Variants in VPS53 observed in about 807,000 individuals in gnomAD.
VPS53 encodes VPS53 subunit of GARP complex.
In VPS53, 70 loss-of-function variants were observed where a neutral mutation model predicts 107.0. The ratio of observed to expected loss-of-function variants is 0.65; its 90% CI spans 0.54 to 0.80. The LOEUF (loss-of-function observed/expected upper bound fraction) is 0.80, where lower values mean the gene tolerates loss of function less well. Ranked by LOEUF, VPS53 falls within the 30% of genes least tolerant of loss-of-function variation. VPS53 has a pLI of 0.00. For missense variants in VPS53, 917 were observed against 1,049.4 expected (o/e 0.87, Z 1.74); for synonymous variants, 409 against 393.3 (o/e 1.04, Z -0.47).
At chr17:582,903 G>T (rs764990232) in intron 13 of VPS53, among the ~76,000 whole-genome samples, 8 of 148,286 alleles carry the variant, frequency 5.4e-5, no homozygotes, top group Admixed American at 4.0e-4. Context: ...GACCTAATGC[G>T]TTCCCAGAGA....
chr17:633,498 T>C (rs903080252), intron 7 of VPS53, among the ~76,000 whole-genome samples: 10 of 152,230 alleles, frequency 6.6e-5, no homozygotes, highest in African/African-American at 2.4e-4. Context: ...CTAAGGAGTG[T>C]CTGGCAACCT....
intron 11 of VPS53, among the ~76,000 whole-genome samples, chr17:620,230 C>G (rs961401819): frequency 2.0e-5 from 3 of 152,194 alleles, no homozygotes; most frequent in African/African-American, 7.2e-5. Context: ...CAAAATTGGG[C>G]TGCTGCCACC....
intron 7 of VPS53, among the ~76,000 whole-genome samples, chr17:639,090 G>A (rs535973589): frequency 7.1e-4 from 108 of 152,138 alleles, no homozygotes; most frequent in African/African-American, 2.4e-3. Context: ...ACATAGTCCC[G>A]TATTTCTTGG....
chr17:603,137 C>T (rs980778654), intron 11 of VPS53, among the ~76,000 whole-genome samples: 1 of 152,154 alleles, frequency 6.6e-6, no homozygotes, highest in Non-Finnish European at 1.5e-5. Context: ...CCAAAACTTA[C>T]ACAAAGGCCG....
chr17:696,864 C>T (rs760173294), intron 4 of VPS53, among the ~76,000 whole-genome samples: 1 of 150,978 alleles, frequency 6.6e-6, no homozygotes, highest in Non-Finnish European at 1.5e-5. Context: ...GCAATCTCGC[C>T]TCACTGCAAC....
intron 9 of VPS53, 94 bp downstream of exon 9, chr17:627,994 C>T: frequency 8.0e-7 from 1 of 1,245,828 alleles, no homozygotes; most frequent in Non-Finnish European, 1.1e-6. Context: ...GTCAGACAGT[C>T]ATGTAATACG....
chr17:583,416 A>G (rs897836260), intron 13 of VPS53, among the ~76,000 whole-genome samples: 4 of 148,206 alleles, frequency 2.7e-5, no homozygotes, highest in Non-Finnish European at 4.5e-5. Flanking sequence ...CCCAGGACCT[A>G]ATGCATTCCC....
At chr17:561,402 C>A (rs1181471267) in intron 14 of VPS53, among the ~76,000 whole-genome samples, 1 of 152,162 alleles carries the variant, frequency 6.6e-6, no homozygotes, top group African/African-American at 2.4e-5. Flanking sequence ...GCTGAGTATG[C>A]CATTTTTTTC....
chr17:704,123 T>C (rs182948359), intron 2 of VPS53, among the ~76,000 whole-genome samples: 1 of 152,354 alleles, frequency 6.6e-6, no homozygotes, highest in East Asian at 1.9e-4. Flanking sequence ...AAATTTCATT[T>C]AGTTTCCTCT....
At chr17:557,961 G>C (rs1016809275) in intron 15 of VPS53, among the ~76,000 whole-genome samples, 4 of 150,974 alleles carry the variant, frequency 2.6e-5, no homozygotes, top group African/African-American at 7.3e-5. Context: ...CCAGGCTCAA[G>C]CGATCCTCCA....
rs1913300508 is a variant in VPS53 at position 564,434 on chromosome 17, A to G, written c.1314-1689T>C. On this transcript the variant is annotated intron_variant, in intron 13 of 21. Coordinates refer to ENST00000437048, the MANE Select transcript of VPS53 (RefSeq NM_001128159.3). ...GGGTGCCCGTAGTCCCAGCTACTTC[A>G]GAGGCTGAGGCAGGAGAATGGCATG... Among the ~76,000 whole-genome samples, 2 of 151,798 alleles carry G rather than the reference A, an allele frequency of 1.3e-5. 1 individual carries two copies. Among genetic ancestry groups the G allele is most frequent in the South Asian group, 4.2e-4 (2 of 4,806 alleles).
intron 7 of VPS53, among the ~76,000 whole-genome samples, chr17:633,231 C>T (rs899015154): frequency 1.3e-5 from 2 of 152,186 alleles, no homozygotes; most frequent in Non-Finnish European, 2.9e-5. Flanking sequence ...GCCCCACAAT[C>T]GATCGCATGC....
chr17:572,933 T>G (rs1011541909), intron 13 of VPS53, among the ~76,000 whole-genome samples: 1 of 151,712 alleles, frequency 6.6e-6, no homozygotes, highest in African/African-American at 2.4e-5. Context: ...CCAGAGACCT[T>G]TGTTCACTTG....
At chr17:527,404 G>A (rs752069922) in intron 19 of VPS53, among the ~76,000 whole-genome samples, 1 of 152,000 alleles carries the variant, frequency 6.6e-6, no homozygotes, top group East Asian at 1.9e-4. Context: ...GTGAACATTC[G>A]TGCGCATGCC....
chr17:658,477 G>A (rs186031574), intron 5 of VPS53, among the ~76,000 whole-genome samples: 133 of 147,734 alleles, frequency 9.0e-4, no homozygotes, highest in Non-Finnish European at 1.4e-3. Flanking sequence ...CCGTGAGTTC[G>A]TGGATAGATA....
In VPS53 at chr17:600,885, T is replaced by C. The variant is rs562365333; in HGVS notation, c.1218+910A>G. 2.6e-5 allele frequency: 4 copies of C among 152,362 alleles called. No homozygotes were observed. The South Asian group carries it at 8.3e-4, about 32-fold the overall frequency. 9.4% of individuals were successfully genotyped at this position (152,362 alleles called of 1,614,324 possible). A position where few individuals can be genotyped will look rare whatever the true frequency, so the allele number is the denominator to read the frequency against. On this transcript the variant is annotated intron_variant, in intron 12 of 21. Transcript: ENST00000437048. Reference sequence around the variant, plus strand: ...GGACTATAAAAGTGTGAGTATCCATTCTATTACAATCATTTAATCAAGGGA... The same window carrying C: ...GGACTATAAAAGTGTGAGTATCCATCCTATTACAATCATTTAATCAAGGGA...
chr17:700,265 G>A (rs1322151742), intron 2 of VPS53, among the ~76,000 whole-genome samples: 5 of 152,122 alleles, frequency 3.3e-5, no homozygotes, highest in South Asian at 2.1e-4. Context: ...TTCTTGGGCC[G>A]GGTGCAGTGG....
At position 519,636 on chromosome 17, in the gene VPS53, G is replaced by C. The variant is rs897729985; in HGVS notation, c.2328+190C>G. On this transcript the variant is annotated intron_variant, in intron 21 of 21. Coordinates refer to ENST00000437048, the MANE Select transcript of VPS53 (RefSeq NM_001128159.3). The surrounding 1 kb of genome is among the most constrained non-coding windows in gnomAD (Gnocchi z 5.0). ...GGTCTCAGCGGGGCATGCAGGGCCT[G>C]TCAGAATCCTGAAGTGCACGTGCCC... is the stretch of plus-strand genomic sequence containing the variant. 6.6e-6 allele frequency among the ~76,000 whole-genome samples: 1 copy of C among 152,196 alleles called. No individual in the cohort carries two copies. Among genetic ancestry groups the C allele is most frequent in the Non-Finnish European group, 1.5e-5 (1 of 68,038 alleles).
intron 13 of VPS53, among the ~76,000 whole-genome samples, chr17:571,897 C>T (rs1228371551): frequency 6.6e-6 from 1 of 152,196 alleles, no homozygotes; most frequent in Non-Finnish European, 1.5e-5. Context: ...TCGCTACAAC[C>T]TCCACCTCCC....
Sources: gnomAD v4.1 joint callset for allele counts (sites outside exome capture counted in the v4.1 genomes callset) on GRCh38, gnomAD v4.1.1 for gene constraint, Gnocchi (gnomAD v3.1) non-coding constraint, MANE v1.5 for transcripts, NCBI Gene and HGNC (gene_info 2026-07-23, HGNC 2026-07-21) for gene names.